Variants in ADAM10 observed in about 807,000 individuals in gnomAD.
The protein encoded by ADAM10 is disintegrin and metalloproteinase domain-containing protein 10.
A neutral mutation model predicts 90.1 loss-of-function variants in ADAM10; 17 were observed. That is an observed-to-expected ratio of 0.19 (90% confidence interval 0.13 to 0.28). ADAM10 has a LOEUF of 0.28. Among genes scored for constraint, ADAM10 ranks in the 10% least tolerant of loss-of-function variants. ADAM10 has a pLI of 1.00. For missense variants in ADAM10, 610 were observed against 914.3 expected, an observed-to-expected ratio of 0.67 and a Z score of 4.29; for synonymous variants, 310 against 298.6, an observed-to-expected ratio of 1.04 and a Z score of -0.40.
Position 58,610,100 on chromosome 15 carries a change from C to G in ADAM10, c.2025+197G>C, listed in dbSNP as rs1595987770. On this transcript the variant is annotated intron_variant, in intron 14 of 15. Transcript: ENST00000260408. ...TGACTCCCATCACCTACTAAGCAAT[C>G]TATGAATGATACACATGATTCTGAT... is the stretch of plus-strand genomic sequence containing the variant. 4.4e-5 allele frequency: 28 copies of G among 629,820 alleles called. No individual in the cohort carries two copies. In the East Asian group the frequency reaches 8.0e-4, roughly 18 times the overall value. 39.0% of individuals were successfully genotyped at this position (629,820 alleles called of 1,614,324 possible).
At chr15:58,666,139 T>C (rs1434286007) in intron 4 of ADAM10, among the ~76,000 whole-genome samples, 2 of 151,600 alleles carry the variant, frequency 1.3e-5, no homozygotes, top group Non-Finnish European at 2.9e-5. Flanking sequence ...AATCCACCAA[T>C]GCTACCACCT....
At chr15:58,616,405 T>C (rs2141003860) in intron 11 of ADAM10, among the ~76,000 whole-genome samples, 1 of 152,320 alleles carries the variant, frequency 6.6e-6, no homozygotes, top group Non-Finnish European at 1.5e-5. Flanking sequence ...TCAACAGATG[T>C]TCAAAAACAG....
intron 1 of ADAM10, among the ~76,000 whole-genome samples, chr15:58,719,684 T>C (rs1204532149): frequency 1.3e-5 from 2 of 152,200 alleles, no homozygotes; most frequent in Non-Finnish European, 2.9e-5. Context: ...TTAGAAGTGG[T>C]TAAGACAGTA....
At chr15:58,612,032 G>A (rs911853783) in intron 11 of ADAM10, 41 bp from the exon 12 acceptor site, 1 of 1,550,812 alleles carries the variant, frequency 6.4e-7, no homozygotes, top group Non-Finnish European at 8.9e-7. Flanking sequence ...TAAATCACTA[G>A]TTATTCCCTA....
chr15:58,721,125 G>A (rs1371746876), intron 1 of ADAM10, among the ~76,000 whole-genome samples: 1 of 152,150 alleles, frequency 6.6e-6, no homozygotes, highest in Non-Finnish European at 1.5e-5. Context: ...AAAGCTCAAC[G>A]ATTTACACAG....
chr15:58,607,670 C>G (rs1425998030), intron 14 of ADAM10, among the ~76,000 whole-genome samples: 1 of 152,070 alleles, frequency 6.6e-6, no homozygotes, highest in Non-Finnish European at 1.5e-5. Flanking sequence ...GTGTTTGACT[C>G]TTGATAAATT....
At chr15:58,640,127 G>A (rs937163827) in intron 8 of ADAM10, among the ~76,000 whole-genome samples, 4 of 152,122 alleles carry the variant, frequency 2.6e-5, no homozygotes, top group Admixed American at 6.5e-5. Context: ...AATGGGAAGG[G>A]TATTGTCCCA....
Position 58,665,134 on chromosome 15 carries a change from C to T in ADAM10, c.548G>A (p.Arg183Lys). 6.2e-7 allele frequency: 1 copy of T among 1,613,276 alleles called. No individual in the cohort carries two copies. Among genetic ancestry groups the T allele is most frequent in the Non-Finnish European group, 8.5e-7 (1 of 1,179,386 alleles). The stretch of plus-strand genomic sequence containing the variant: ...CTCTACACCAGTCATCTGGTATTTC[C>T]TCATTCTTTCAAATACTGAATGATC... ...CADHSVFERM[R>K]KYQMTGVEEV... The change falls in exon 5 of 16, where the codon AGG becomes AAG. Residue 183 changes from arginine (R) to lysine (K), a missense_variant. Coordinates refer to ENST00000260408, the MANE Select transcript of ADAM10 (RefSeq NM_001110.4).
intron 8 of ADAM10, among the ~76,000 whole-genome samples, chr15:58,638,116 C>T (rs1323479242): frequency 1.3e-5 from 2 of 152,128 alleles, no homozygotes; most frequent in Non-Finnish European, 2.9e-5. Context: ...CCTGCCTAGC[C>T]CCTCCCCAGC....
rs1186795449 is a variant in ADAM10 at position 58,595,960 on chromosome 15, T to A, written c.*1587A>T. 6.6e-6 allele frequency: 1 copy of A among 152,112 alleles called. No individual in the cohort carries two copies. Among genetic ancestry groups the A allele is most frequent in the Non-Finnish European group, 1.5e-5 (1 of 67,978 alleles). The allele number at this position is 152,112 out of a possible 1,614,324, so 9.4% of individuals were successfully genotyped here. On this transcript the variant is annotated 3_prime_UTR_variant, in exon 16 of 16. Transcript: ENST00000260408. ...TCTCTAAATCATGTACAAAAAGCTG[T>A]ATTTTGAAAAAGTCACCACATACTG... is the stretch of plus-strand genomic sequence containing the variant.
chr15:58,657,684 C>T (rs185710963), intron 5 of ADAM10, among the ~76,000 whole-genome samples: 12 of 152,238 alleles, frequency 7.9e-5, no homozygotes, highest in Admixed American at 3.9e-4. Flanking sequence ...ATCCATTCTC[C>T]AGGATTTGTC....
intron 5 of ADAM10, among the ~76,000 whole-genome samples, chr15:58,647,101 TTTATTTGTGGGA>T (rs1423268001): frequency 6.6e-6 from 1 of 152,106 alleles, no homozygotes; most frequent in Non-Finnish European, 1.5e-5. Context: ...CAACCTTACA[TTTATTTGTGGGA>T]TTATTTAATT....
intron 1 of ADAM10, among the ~76,000 whole-genome samples, chr15:58,741,078 T>C (rs574296152): frequency 4.6e-5 from 7 of 152,298 alleles, no homozygotes; most frequent in Admixed American, 3.9e-4. Context: ...CATAGAGAAT[T>C]CTATGTGTTC....
intron 11 of ADAM10, among the ~76,000 whole-genome samples, chr15:58,619,184 A>G (rs2141006662): frequency 6.6e-6 from 1 of 152,334 alleles, no homozygotes; most frequent in East Asian, 1.9e-4. Context: ...GTGCAATAAC[A>G]TGAACGGAAA....
chr15:58,674,992 T>TC (rs1391562277), intron 4 of ADAM10, among the ~76,000 whole-genome samples: 1 of 152,116 alleles, frequency 6.6e-6, no homozygotes, highest in African/African-American at 2.4e-5. Context: ...GATCAAGAGA[T>TC]CGAGACCATC....
At chr15:58,637,652 T>C (rs1272625468) in intron 8 of ADAM10, among the ~76,000 whole-genome samples, 5 of 152,152 alleles carry the variant, frequency 3.3e-5, no homozygotes, top group African/African-American at 1.2e-4. Flanking sequence ...ACATTTCAGC[T>C]TCTTATTTGA....
intron 1 of ADAM10, among the ~76,000 whole-genome samples, chr15:58,744,853 C>G (rs1272178207): frequency 6.6e-6 from 1 of 151,878 alleles, no homozygotes; most frequent in Non-Finnish European, 1.5e-5. Flanking sequence ...CTAACCAAGA[C>G]CAACAACAAC....
rs559346898 is a variant in ADAM10 at position 58,640,386 on chromosome 15, C to G, written c.1012+391G>C. Among the ~76,000 whole-genome samples the G allele has an allele frequency of 1.5e-4, 23 of 152,248 alleles. No individual in the cohort carries two copies. The East Asian group carries it at 4.4e-3, about 29-fold the overall frequency. On this transcript the variant is annotated intron_variant, in intron 8 of 15. Coordinates refer to ENST00000260408, the MANE Select transcript of ADAM10 (RefSeq NM_001110.4). The stretch of plus-strand genomic sequence containing the variant: ...CTTTATCTCACTACAGAAGAGAGAG[C>G]AAGACACAGTTTTCCTCTTTTGATT...
chr15:58,674,631 A>C (rs1350481447), intron 4 of ADAM10, among the ~76,000 whole-genome samples: 1 of 152,252 alleles, frequency 6.6e-6, no homozygotes, highest in African/African-American at 2.4e-5. Flanking sequence ...TAACAGTGAC[A>C]GAAAACAACT....
Sources: allele counts gnomAD v4.1 joint callset (sites outside exome capture counted in the v4.1 genomes callset), GRCh38; gene constraint gnomAD v4.1.1; transcripts MANE v1.5; gene names NCBI Gene and HGNC (gene_info 2026-07-23, HGNC 2026-07-21).